The following UNC5D variants were observed in gnomAD, a reference collection of about 807,000 sequenced individuals.
UNC5D encodes unc-5 netrin receptor D.
A neutral mutation model predicts 105.4 loss-of-function variants in UNC5D; 39 were observed. That is an observed-to-expected ratio of 0.37 (90% CI 0.29 to 0.48). The LOEUF is 0.48. UNC5D is among the 20% of genes least tolerant of loss of function. UNC5D has a pLI of 0.98. For missense variants in UNC5D, 991 were observed against 1,202.4 expected, an observed-to-expected ratio of 0.82 and a Z score of 2.60; for synonymous variants, 452 against 450.4, an observed-to-expected ratio of 1.00 and a Z score of -0.04.
At chr8:35,478,290 G>A (rs755680080) in intron 1 of UNC5D, among the ~76,000 whole-genome samples, 3 of 152,112 alleles carry the variant, frequency 2.0e-5, no homozygotes, top group Admixed American at 2.0e-4. Context: ...AAATATTGAT[G>A]ATGACATTGT....
intron 1 of UNC5D, among the ~76,000 whole-genome samples, chr8:35,264,776 T>G (rs72633510): frequency 0.071 from 10,768 of 152,020 alleles, 519 homozygotes; most frequent in Non-Finnish European, 0.1. Context: ...TTAAGCTTTT[T>G]TTATATATAA....
intron 1 of UNC5D, among the ~76,000 whole-genome samples, chr8:35,507,127 C>T (rs1812365183): frequency 7.4e-6 from 1 of 135,910 alleles, no homozygotes; most frequent in African/African-American, 2.8e-5. Flanking sequence ...GGGATCTCGG[C>T]TCACTGCAAG....
At position 35,412,851 on chromosome 8, in the gene UNC5D, T is replaced by C. The variant is rs79524016; in HGVS notation, c.104-136441T>C. 2.2e-3 allele frequency among the ~76,000 whole-genome samples: 339 copies of C among 152,180 alleles called. 9 individuals are homozygous for C. In the East Asian group the frequency reaches 0.057, roughly 25 times the overall value. The stretch of plus-strand genomic sequence containing the variant: ...TGTTCGTTCCAACTCCCAGGACTAG[T>C]AATCTAGAAACTGAAAGGAGCTCTG... On this transcript the variant is annotated intron_variant, in intron 1 of 16. Transcript: ENST00000404895.
chr8:35,523,283 A>G (rs1230064466), intron 1 of UNC5D, among the ~76,000 whole-genome samples: 1 of 151,898 alleles, frequency 6.6e-6, no homozygotes, highest in African/African-American at 2.4e-5. Flanking sequence ...GGGTGTTACT[A>G]TGTTGCCCAG....
chr8:35,343,853 T>TA (rs1467160610), intron 1 of UNC5D, among the ~76,000 whole-genome samples: 3 of 152,142 alleles, frequency 2.0e-5, no homozygotes, highest in Non-Finnish European at 4.4e-5. Flanking sequence ...GAATTTGTTT[T>TA]AAAATTCTAT....
chr8:35,404,356 GAGAAGGAAT>G (rs1271699153), intron 1 of UNC5D, among the ~76,000 whole-genome samples: 2 of 152,158 alleles, frequency 1.3e-5, no homozygotes, highest in Non-Finnish European at 2.9e-5. Context: ...AGCAGGGTTT[GAGAAGGAAT>G]AGAAGGAATA....
intron 1 of UNC5D, among the ~76,000 whole-genome samples, chr8:35,274,145 C>CA (rs1364076577): frequency 3.3e-5 from 5 of 152,060 alleles, no homozygotes; most frequent in Non-Finnish European, 7.4e-5. Flanking sequence ...TTGCTGGTAC[C>CA]AGGTGGCATT....
intron 11 of UNC5D, among the ~76,000 whole-genome samples, chr8:35,747,198 C>T (rs745814050): frequency 1.3e-5 from 2 of 152,168 alleles, no homozygotes; most frequent in Non-Finnish European, 2.9e-5. Context: ...GTTTTAGACG[C>T]AGTAGACATA....
Position 35,387,760 on chromosome 8 carries a change from G to C in UNC5D, c.103+151873G>C, listed in dbSNP as rs139490353. 3.9e-4 allele frequency among the ~76,000 whole-genome samples: 59 copies of C among 152,262 alleles called. No homozygotes were observed. In the South Asian group the frequency reaches 9.1e-3, roughly 24 times the overall value. ...TATCATCCATCTCAGTAGGATTTAG[G>C]AGTACAGGTATTTAGAGAGACAGTG... On this transcript the variant is annotated intron_variant, in intron 1 of 16. Transcript: ENST00000404895.
chr8:35,731,444 T>C (rs1023831035), intron 11 of UNC5D, among the ~76,000 whole-genome samples: 2 of 140,538 alleles, frequency 1.4e-5, no homozygotes, highest in South Asian at 2.2e-4. Flanking sequence ...ATTTTAAATA[T>C]GGACTGGAAC....
At chr8:35,317,516 A>G (rs1809396883) in intron 1 of UNC5D, among the ~76,000 whole-genome samples, 1 of 152,166 alleles carries the variant, frequency 6.6e-6, no homozygotes. Context: ...GTGCTCAACT[A>G]AGGATGGTGA....
intron 8 of UNC5D, among the ~76,000 whole-genome samples, chr8:35,711,839 A>AG (rs1329598093): frequency 2.0e-5 from 3 of 152,228 alleles, no homozygotes; most frequent in Non-Finnish European, 4.4e-5. Context: ...TGATAGACAT[A>AG]GTCCCTGCCA....
chr8:35,439,728 G>A (rs748307400), intron 1 of UNC5D, among the ~76,000 whole-genome samples: 34 of 151,940 alleles, frequency 2.2e-4, no homozygotes, highest in Non-Finnish European at 3.5e-4. Flanking sequence ...TCTAAATATG[G>A]AAAGTCGTTT....
At chr8:35,378,030 G>GT (rs1563358666) in intron 1 of UNC5D, among the ~76,000 whole-genome samples, 1 of 151,924 alleles carries the variant, frequency 6.6e-6, no homozygotes, top group African/African-American at 2.4e-5. Context: ...CAGTGATTAG[G>GT]TGATTACAAA....
intron 4 of UNC5D, among the ~76,000 whole-genome samples, chr8:35,612,915 T>A (rs770282830): frequency 1.3e-5 from 2 of 152,080 alleles, no homozygotes; most frequent in African/African-American, 4.8e-5. Context: ...TTTTCTAATC[T>A]TCTTTGCAGT....
intron 1 of UNC5D, among the ~76,000 whole-genome samples, chr8:35,406,189 G>T (rs923409085): frequency 6.6e-6 from 1 of 151,942 alleles, no homozygotes; most frequent in Non-Finnish European, 1.5e-5. Context: ...TTTTAAAAAG[G>T]CCTTTAAAAA....
At chr8:35,618,184 C>G (rs1366297923) in intron 4 of UNC5D, among the ~76,000 whole-genome samples, 2 of 152,196 alleles carry the variant, frequency 1.3e-5, no homozygotes, top group Admixed American at 1.3e-4. Flanking sequence ...AGCAGTCACT[C>G]TAGTTCATCA....
intron 1 of UNC5D, among the ~76,000 whole-genome samples, chr8:35,527,899 A>T (rs1813998951): frequency 6.6e-6 from 1 of 152,100 alleles, no homozygotes; most frequent in African/African-American, 2.4e-5. Context: ...TAATTAATTT[A>T]TAAGGGCCCC....
chr8:35,248,977 T>A (rs866300073), intron 1 of UNC5D, among the ~76,000 whole-genome samples: 1 of 88,142 alleles, frequency 1.1e-5, no homozygotes, highest in Non-Finnish European at 2.0e-5. Flanking sequence ...TATTATATAT[T>A]TTTATATAAT....
Sources: gnomAD v4.1 joint callset for allele counts (sites outside exome capture counted in the v4.1 genomes callset) on GRCh38, gnomAD v4.1.1 for gene constraint, MANE v1.5 for transcripts, NCBI Gene and HGNC (gene_info 2026-07-23, HGNC 2026-07-21) for gene names.